The following APBB1IP variants were observed in gnomAD, a reference collection of about 807,000 sequenced individuals.
The protein encoded by APBB1IP is amyloid beta precursor protein binding family B member 1 interacting protein, also known as amyloid beta A4 precursor protein-binding family B member 1-interacting protein.
A neutral mutation model predicts 64.9 loss-of-function variants in APBB1IP; 27 were observed. The ratio of observed to expected loss-of-function variants is 0.42; its 90% confidence interval spans 0.31 to 0.57. The LOEUF (loss-of-function observed/expected upper bound fraction) is 0.57, where lower values mean the gene tolerates loss of function less well. Ranked by LOEUF, APBB1IP falls within the 20% of genes least tolerant of loss-of-function variation. APBB1IP has a pLI of 0.20. For missense variants in APBB1IP, 812 were observed against 845.5 expected, an observed-to-expected ratio of 0.96 and a Z score of 0.49; for synonymous variants, 392 against 331.0, an observed-to-expected ratio of 1.18 and a Z score of -2.00.
At chr10:26,526,402 C>A (rs1197766866) in intron 8 of APBB1IP, among the ~76,000 whole-genome samples, 2 of 152,144 alleles carry the variant, frequency 1.3e-5, no homozygotes, top group African/African-American at 4.8e-5. Context: ...TTTATTTATT[C>A]TAATAACTTT....
chr10:26,487,350 CAAT>C (rs1411827352), intron 2 of APBB1IP, among the ~76,000 whole-genome samples: 4 of 152,096 alleles, frequency 2.6e-5, no homozygotes, highest in African/African-American at 7.2e-5. Flanking sequence ...CTGTCCATTT[CAAT>C]AATAAGGTTT....
intron 8 of APBB1IP, among the ~76,000 whole-genome samples, chr10:26,524,951 C>CTTTTTTTTTTTTTTTTTTTT (rs1322880718): frequency 2.3e-5 from 1 of 43,160 alleles, no homozygotes; most frequent in Non-Finnish European, 5.0e-5. Flanking sequence ...CTCTTTCTTT[C>CTTTTTTTTTTTTTTTTTTTT]TTTCTTTTTT....
At chr10:26,520,468 A>G (rs751453291) in intron 8 of APBB1IP, among the ~76,000 whole-genome samples, 1 of 152,242 alleles carries the variant, frequency 6.6e-6, no homozygotes, top group Non-Finnish European at 1.5e-5. Flanking sequence ...TTTCATTCTT[A>G]AAGTACCAAT....
At chr10:26,522,644 G>A (rs1269631368) in intron 8 of APBB1IP, among the ~76,000 whole-genome samples, 1 of 151,818 alleles carries the variant, frequency 6.6e-6, no homozygotes, top group Admixed American at 6.6e-5. Context: ...GACACTTAAG[G>A]GTTAAAAAAT....
At position 26,503,215 on chromosome 10, in the gene APBB1IP, G is replaced by C. The variant is rs113442503; in HGVS notation, c.472G>C (p.Ala158Pro). The change falls in exon 6 of 15, where the codon GCC becomes CCC. Residue 158 changes from alanine (A) to proline (P), a missense_variant. By Grantham distance (27) the Ala-to-Pro change is conservative (BLOSUM62 -1). This residue lies in a region of APBB1IP where 394 missense variants were observed against 413.1 expected (regional missense o/e 0.95). Transcript: ENST00000376236. Reference sequence around the variant, plus strand: ...TTTCCAGGAAGAGGAAGAAGCCCAAGCCAAGGCTGATAAAATTAAGCTGGC... The same window carrying C: ...TTTCCAGGAAGAGGAAGAAGCCCAACCCAAGGCTGATAAAATTAAGCTGGC... Reference protein sequence around the residue: ...PLSQEEEEAQAKADKIKLALE... With the variant: ...PLSQEEEEAQPKADKIKLALE... 4 of 1,614,106 alleles carry C rather than the reference G, an allele frequency of 2.5e-6. No homozygotes were observed. The East Asian group carries it at 8.9e-5, about 36-fold the overall frequency.
chr10:26,449,527 G>C (rs1835441795), intron 2 of APBB1IP, among the ~76,000 whole-genome samples: 1 of 152,116 alleles, frequency 6.6e-6, no homozygotes, highest in African/African-American at 2.4e-5. Context: ...CTGTTGTTTT[G>C]TTTTGTGTGT....
intron 2 of APBB1IP, among the ~76,000 whole-genome samples, chr10:26,473,985 G>A (rs574676968): frequency 7.6e-6 from 1 of 131,322 alleles, no homozygotes; most frequent in Non-Finnish European, 1.5e-5. Flanking sequence ...CTGGGTGACA[G>A]AGCCACCCTG....
chr10:26,509,151 C>G (rs1836221242), intron 6 of APBB1IP, among the ~76,000 whole-genome samples: 1 of 152,210 alleles, frequency 6.6e-6, no homozygotes, highest in South Asian at 2.1e-4. Context: ...ATACAACCCT[C>G]CATGACTCAT....
At chr10:26,545,298 T>C (rs1379982589) in intron 11 of APBB1IP, among the ~76,000 whole-genome samples, 1 of 152,134 alleles carries the variant, frequency 6.6e-6, no homozygotes, top group Non-Finnish European at 1.5e-5. Flanking sequence ...AGTGTGTAGA[T>C]TGCAAGAGGG....
chr10:26,469,208 T>G (rs1324687316), intron 2 of APBB1IP, among the ~76,000 whole-genome samples: 1 of 151,732 alleles, frequency 6.6e-6, no homozygotes, highest in East Asian at 1.9e-4. Context: ...TTTTATATCC[T>G]TATTCTATTT....
rs527616278 is a variant in APBB1IP, at chr10:26,505,253, C to A, written c.531+1979C>A. Among the ~76,000 whole-genome samples, 89 of 152,276 alleles carry A rather than the reference C, an allele frequency of 5.8e-4. 2 individuals carry two copies. The highest frequency in any genetic ancestry group is 2.1e-3 in the African/African-American group (87 of 41,560). Reference sequence around the variant, plus strand: ...ATTCAGGAAGTAGTCCTTGGCTACCCCTGGAGCCAGACTTTCAAGGTTCAT... The same window carrying A: ...ATTCAGGAAGTAGTCCTTGGCTACCACTGGAGCCAGACTTTCAAGGTTCAT... On this transcript the variant is annotated intron_variant, in intron 6 of 14. Coordinates refer to ENST00000376236, the MANE Select transcript of APBB1IP (RefSeq NM_019043.4).
intron 2 of APBB1IP, among the ~76,000 whole-genome samples, chr10:26,481,147 C>G (rs1835830237): frequency 6.6e-6 from 1 of 152,094 alleles, no homozygotes; most frequent in African/African-American, 2.4e-5. Context: ...TGAAACTAGT[C>G]TACAACTTGT....
intron 9 of APBB1IP, among the ~76,000 whole-genome samples, chr10:26,534,185 G>A (rs951285687): frequency 1.3e-5 from 2 of 149,966 alleles, no homozygotes; most frequent in Non-Finnish European, 2.9e-5. Flanking sequence ...TCTGAGCCTC[G>A]CATGGGGGCA....
intron 11 of APBB1IP, among the ~76,000 whole-genome samples, chr10:26,559,569 C>CTTT (rs1477747158): frequency 6.6e-6 from 1 of 151,210 alleles, no homozygotes; most frequent in African/African-American, 2.4e-5. Context: ...CCTCTAAAAA[C>CTTT]TTTTTTTAAA....
chr10:26,441,571 G>A (rs890645303), intron 2 of APBB1IP, among the ~76,000 whole-genome samples: 1 of 152,106 alleles, frequency 6.6e-6, no homozygotes, highest in African/African-American at 2.4e-5. Context: ...CTGGCTAAAT[G>A]TGCAGAATAT....
intron 2 of APBB1IP, among the ~76,000 whole-genome samples, chr10:26,440,302 A>G (rs1489841635): frequency 6.6e-6 from 1 of 152,208 alleles, no homozygotes; most frequent in Non-Finnish European, 1.5e-5. Flanking sequence ...TAAAATAGCA[A>G]TTGAGGAGTT....
intron 2 of APBB1IP, among the ~76,000 whole-genome samples, chr10:26,457,683 C>T (rs933188278): frequency 3.3e-5 from 5 of 152,172 alleles, no homozygotes; most frequent in Admixed American, 6.5e-5. Context: ...TTTAAACCAC[C>T]GGTAGGGCTG....
chr10:26,566,820 CGA>C (rs1564381084), intron 14 of APBB1IP, 139 bp from the exon 15 acceptor site: 3 of 925,582 alleles, frequency 3.2e-6, no homozygotes. Context: ...CTCGGGAGGT[CGA>C]GGCTGCAGTA....
chr10:26,567,316 C>G lies in APBB1IP; in HGVS notation c.1829C>G (p.Pro610Arg). 8.2e-7 allele frequency: 1 copy of G among 1,218,634 alleles called. No individual in the cohort carries two copies. Among genetic ancestry groups the G allele is most frequent in the South Asian group, 1.7e-5 (1 of 59,192 alleles). The allele number at this position is 1,218,634 out of a possible 1,614,324, so 75.5% of individuals were successfully genotyped here. Residue 610 changes from proline to arginine, a missense_variant, in exon 15 of 15, where the codon CCC becomes CGC. Around this residue, in one of 3 missense-constraint regions of APBB1IP, gnomAD observed 381 missense variants for 352.1 expected, o/e 1.08. Transcript: ENST00000376236. ...CCGCCGCCGCCGCCCGCGCCCGCGC[C>G]CGCCCCCGTCCCCGACTCCGCCAGG... Reference protein sequence around the residue: ...PPPPPPPAPAPAPVPDSARPP... With the variant: ...PPPPPPPAPARAPVPDSARPP...
Sources: allele counts gnomAD v4.1 joint callset (sites outside exome capture counted in the v4.1 genomes callset), GRCh38; gene constraint gnomAD v4.1.1; regional missense constraint gnomAD v4.1.1; transcripts MANE v1.5; gene names NCBI Gene and HGNC (gene_info 2026-07-23, HGNC 2026-07-21).